The following HSPH1 variants were observed in gnomAD, a reference collection of about 807,000 sequenced individuals.
The protein encoded by HSPH1 is heat shock protein family H (Hsp110) member 1.
HSPH1 carries 40 observed loss-of-function variants against 100.0 expected under a neutral mutation model. That is an observed-to-expected ratio of 0.40 (90% CI 0.31 to 0.52). The LOEUF (loss-of-function observed/expected upper bound fraction) is 0.52, where lower values mean the gene tolerates loss of function less well. Among genes scored for constraint, HSPH1 ranks in the 20% least tolerant of loss-of-function variants. The pLI is 0.54. For missense variants in HSPH1, 876 were observed against 1,015.1 expected, an observed-to-expected ratio of 0.86 and a Z score of 1.86; for synonymous variants, 403 against 344.0, an observed-to-expected ratio of 1.17 and a Z score of -1.90.
At chr13:31,143,012 A>G (rs1346299054) in intron 12 of HSPH1, among the ~76,000 whole-genome samples, 3 of 152,126 alleles carry the variant, frequency 2.0e-5, no homozygotes, top group Admixed American at 1.3e-4. Flanking sequence ...TACATAGTAT[A>G]GAAACCTATC....
At position 31,154,671 on chromosome 13, in the gene HSPH1, T is replaced by C. The variant is rs761728939; in HGVS notation, c.391A>G (p.Asn131Asp). ...TCTGTTACTGGTTTCTTGAGGCTGT[T>C]TTCAGCAGTTTCCTTCAGCTTAGTC... ...LLTKLKETAENSLKKPVTDCV... is the reference protein window; with the variant it reads ...LLTKLKETAEDSLKKPVTDCV... The change falls in exon 4 of 18, where the codon AAC becomes GAC. Residue 131 changes from asparagine (N) to aspartate (D), a missense_variant. Coordinates refer to ENST00000320027, the MANE Select transcript of HSPH1 (RefSeq NM_006644.4). The C allele has an allele frequency of 6.2e-7, 1 of 1,614,106 alleles. No homozygotes were observed. Among genetic ancestry groups the C allele is most frequent in the Non-Finnish European group, 8.5e-7 (1 of 1,179,972 alleles).
At position 31,138,820 on chromosome 13, in the gene HSPH1, C is replaced by T. The variant is rs148872450; in HGVS notation, c.2169G>A (p.Leu723=). 7 of 1,611,816 alleles carry T rather than the reference C, an allele frequency of 4.3e-6. No homozygotes were observed. Among genetic ancestry groups the T allele is most frequent in the Non-Finnish European group, 5.1e-6 (6 of 1,179,194 alleles). ...PKMFEELGQR[L]QHYAKIAADF... is the part of the protein sequence containing the mutation. The stretch of plus-strand genomic sequence containing the variant: ...CAGCTGCTATCTTGGCATAATGCTG[C>T]AGCCTCTGTCCTAGTTCTTCAAACA... Residue 723 remains leucine, a synonymous_variant, in exon 16 of 18, where the codon CTG becomes CTA. Transcript: ENST00000320027.
rs1566001535 is a variant in HSPH1 at position 31,145,784 on chromosome 13, C to A, written c.1379-16G>T. 7 of 1,604,164 alleles carry A rather than the reference C, an allele frequency of 4.4e-6. No homozygotes were observed. Among genetic ancestry groups the A allele is most frequent in the Middle Eastern group, 1.7e-4 (1 of 6,044 alleles). On this transcript the variant is annotated splice_polypyrimidine_tract_variant and intron_variant, in intron 10 of 17. Coordinates refer to ENST00000320027, the MANE Select transcript of HSPH1 (RefSeq NM_006644.4). ...ACAAAGCGGCCTAGAACAACAACAA[C>A]AAAAATCACAAAATCACAATTTATT...
At chr13:31,155,419 G>T in intron 3 of HSPH1, 95 bp downstream of exon 3, 1 of 923,360 alleles carries the variant, frequency 1.1e-6, no homozygotes, top group Non-Finnish European at 1.6e-6. Flanking sequence ...AAGACCACCT[G>T]GTGTAATTAA....
chr13:31,161,096 C>T (rs886848401), intron 1 of HSPH1, among the ~76,000 whole-genome samples: 2 of 152,148 alleles, frequency 1.3e-5, no homozygotes, highest in Non-Finnish European at 2.9e-5. Context: ...GGTGGGGATA[C>T]GGGGGCGGCC....
At chr13:31,161,984 G>T, upstream of HSPH1, 1 of 1,535,962 alleles carries the variant, frequency 6.5e-7, no homozygotes, top group Non-Finnish European at 8.7e-7. Context: ...TTACTCACCG[G>T]CGCCTCCACC....
chr13:31,144,037 G>T, intron 11 of HSPH1, 114 bp from the exon 12 acceptor site: 1 of 871,294 alleles, frequency 1.1e-6, no homozygotes, highest in East Asian at 3.2e-5. Flanking sequence ...TTAACAGGTG[G>T]GGAGAAAAGG....
chr13:31,158,735 A>C (rs970618703), intron 2 of HSPH1, 71 bp downstream of exon 2: 18 of 947,248 alleles, frequency 1.9e-5, no homozygotes, highest in Non-Finnish European at 2.8e-5. Flanking sequence ...ACCCTCTTAT[A>C]TGTCTCTTGA....
rs1288701928 is a variant in HSPH1 at position 31,143,233 on chromosome 13, C to T, written c.1716+559G>A. 5.9e-5 allele frequency among the ~76,000 whole-genome samples: 9 copies of T among 152,234 alleles called. No individual in the cohort carries two copies. In the South Asian group the frequency reaches 1.9e-3, roughly 32 times the overall value. ...TGAATCTTAAAGGTTTGATTACAAA[C>T]TGTCATTTTCCAAGGCACACAACAT... On this transcript the variant is annotated intron_variant, in intron 12 of 17. Transcript: ENST00000320027.
chr13:31,141,386 AG>A (rs1956084248), intron 12 of HSPH1, 127 bp from the exon 13 acceptor site: 3 of 693,772 alleles, frequency 4.3e-6, no homozygotes, highest in Non-Finnish European at 6.9e-6. Context: ...TAAAGTTGGA[AG>A]GATCTACAGG....
rs190999044 is a variant in HSPH1, at chr13:31,154,267, C to T, written c.429+366G>A. The T allele has an allele frequency of 1.1e-4, 32 of 296,988 alleles. 1 individual carries two copies. In the Admixed American group the frequency reaches 1.2e-3, roughly 11 times the overall value. 18.4% of individuals were successfully genotyped at this position (296,988 alleles called of 1,614,324 possible). The stretch of plus-strand genomic sequence containing the variant: ...ACTGGTAAGCTACGTTTTAAAACTC[C>T]TAATACACTGGTTTCTCAACGGAGG... On this transcript the variant is annotated intron_variant, in intron 4 of 17. Coordinates refer to ENST00000320027, the MANE Select transcript of HSPH1 (RefSeq NM_006644.4).
chr13:31,162,063 G>A (rs747322275), upstream of HSPH1: 11 of 1,536,146 alleles, frequency 7.2e-6, no homozygotes, highest in South Asian at 1.3e-4. Flanking sequence ...CCAATGGGCA[G>A]CCGGTCCCCG....
intron 4 of HSPH1, chr13:31,154,225 AT>A (rs1956593490): frequency 4.7e-6 from 1 of 210,826 alleles, no homozygotes; most frequent in African/African-American, 2.3e-5. Flanking sequence ...AGTGTTAAAA[AT>A]TTAGGTTTTG....
chr13:31,150,262 A>G lies in HSPH1; in HGVS notation c.909-80T>C, dbSNP rs1367050570. On this transcript the variant is annotated intron_variant, in intron 7 of 17. Coordinates refer to ENST00000320027, the MANE Select transcript of HSPH1 (RefSeq NM_006644.4). Reference sequence around the variant, plus strand: ...TTTTGACAACCCAATGAATTTCATTATTTTCCCCCTCAGACACCTTGGATC... The same window carrying G: ...TTTTGACAACCCAATGAATTTCATTGTTTTCCCCCTCAGACACCTTGGATC... The G allele has an allele frequency of 3.9e-6, 4 of 1,013,086 alleles. No homozygotes were observed. In the Admixed American group the frequency reaches 9.5e-5, roughly 24 times the overall value. The allele number at this position is 1,013,086 out of a possible 1,614,324, so 62.8% of individuals were successfully genotyped here. A position where few individuals can be genotyped will look rare whatever the true frequency, so the allele number is the denominator to read the frequency against.
At chr13:31,156,468 G>A (rs1294926776) in intron 2 of HSPH1, among the ~76,000 whole-genome samples, 1 of 152,012 alleles carries the variant, frequency 6.6e-6, no homozygotes, top group East Asian at 1.9e-4. Flanking sequence ...AGAGGCTGAG[G>A]CAGGAGAATC....
intron 4 of HSPH1, among the ~76,000 whole-genome samples, chr13:31,153,333 T>C (rs1956555721): frequency 6.6e-6 from 1 of 152,184 alleles, no homozygotes; most frequent in Admixed American, 6.5e-5. Context: ...TAATGCTAGG[T>C]CAACATTTAA....
chr13:31,140,421 AAC>A (rs1350724185), intron 13 of HSPH1, 112 bp from the exon 14 acceptor site: 6 of 937,080 alleles, frequency 6.4e-6, no homozygotes, highest in East Asian at 2.6e-5. Flanking sequence ...TTTTAGTGTT[AAC>A]ACAGTTCCAA....
intron 4 of HSPH1, 58 bp from the exon 5 acceptor site, chr13:31,153,009 C>T: frequency 8.6e-7 from 1 of 1,162,710 alleles, no homozygotes; most frequent in Non-Finnish European, 1.3e-6. Flanking sequence ...TTAGAAATTC[C>T]TCACAAACCA....
chr13:31,138,987 GA>G lies in HSPH1; in HGVS notation c.2088+12del. 6.2e-7 allele frequency: 1 copy of G among 1,601,562 alleles called. No homozygotes were observed. Among genetic ancestry groups the G allele is most frequent in the South Asian group, 1.1e-5 (1 of 90,606 alleles). ...AACACAAGTACCACCTTTTGGGGGA[GA>G]AAACGACCTACCATTAATTCTTCCA... is the stretch of plus-strand genomic sequence containing the variant. On this transcript the variant is annotated intron_variant, in intron 15 of 17. Coordinates refer to ENST00000320027, the MANE Select transcript of HSPH1 (RefSeq NM_006644.4).
Sources: gnomAD v4.1 joint callset for allele counts (sites outside exome capture counted in the v4.1 genomes callset) on GRCh38, gnomAD v4.1.1 for gene constraint, MANE v1.5 for transcripts, NCBI Gene and HGNC (gene_info 2026-07-23, HGNC 2026-07-21) for gene names.